ROBO2: variants seen among roughly 807,000 people sequenced by gnomAD.
ROBO2 encodes roundabout homolog 2.
Under a neutral mutation model 160.8 loss-of-function variants are expected in ROBO2, and 53 were observed. That is an observed-to-expected ratio of 0.33 (90% CI 0.26 to 0.41). ROBO2 has a LOEUF of 0.41. ROBO2 is among the 10% of genes least tolerant of loss of function. The probability of loss-of-function intolerance (pLI) is 1.00; values close to 1 mark genes in which losing one functional copy is unlikely to be tolerated. For missense variants in ROBO2, 1,577 were observed against 1,722.4 expected (o/e 0.92, Z 1.49); for synonymous variants, 664 against 611.7 (o/e 1.09, Z -1.26).
intron 2 of ROBO2, among the ~76,000 whole-genome samples, chr3:76,801,592 A>G (rs568830677): frequency 1.3e-5 from 2 of 152,146 alleles, no homozygotes; most frequent in East Asian, 3.9e-4. Flanking sequence ...TTTTTTTAAA[A>G]AAAGAAAAGA....
intron 8 of ROBO2, 78 bp downstream of exon 9, chr3:77,551,067 G>C: frequency 4.7e-6 from 7 of 1,483,554 alleles, no homozygotes; most frequent in Non-Finnish European, 6.6e-6. Flanking sequence ...TGTGGAGTTT[G>C]CTGATTTGTT....
intron 5 of ROBO2, among the ~76,000 whole-genome samples, chr3:77,508,226 A>C (rs772423774): frequency 1.3e-5 from 2 of 150,782 alleles, no homozygotes; most frequent in Non-Finnish European, 3.0e-5. Context: ...TCTTTCTCAA[A>C]ATGTTGCAAA....
intron 2 of ROBO2, among the ~76,000 whole-genome samples, chr3:76,587,827 T>C (rs910420441): frequency 3.9e-5 from 6 of 152,200 alleles, no homozygotes; most frequent in Admixed American, 3.3e-4. Flanking sequence ...TCTTTACTCA[T>C]TCTCCCTTTC....
intron 2 of ROBO2, among the ~76,000 whole-genome samples, chr3:76,135,263 T>A (rs963460297): frequency 3.3e-5 from 5 of 152,012 alleles, no homozygotes; most frequent in Non-Finnish European, 7.4e-5. Context: ...ATGTGAAATT[T>A]AGGGAATAAT....
chr3:76,730,939 TCC>T, intron 2 of ROBO2, among the ~76,000 whole-genome samples: 1 of 21,434 alleles, frequency 4.7e-5, no homozygotes, highest in Non-Finnish European at 8.1e-5. Flanking sequence ...TGTCCTCACC[TCC>T]TACTCCCTAC....
chr3:77,389,969 G>C (rs2074547270), intron 2 of ROBO2, among the ~76,000 whole-genome samples: 1 of 152,144 alleles, frequency 6.6e-6, no homozygotes, highest in African/African-American at 2.4e-5. Flanking sequence ...ACTAGAAAGG[G>C]ATACAAAGAA....
intron 2 of ROBO2, among the ~76,000 whole-genome samples, chr3:77,315,482 A>G (rs1226799863): frequency 6.6e-6 from 1 of 152,174 alleles, no homozygotes; most frequent in African/African-American, 2.4e-5. Context: ...CTTAACTTTG[A>G]GACACTTAAT....
chr3:77,112,193 CAAAAAAAAAAAA>C (rs373201643), intron 2 of ROBO2, among the ~76,000 whole-genome samples: 77 of 68,692 alleles, frequency 1.1e-3, no homozygotes, highest in African/African-American at 4.0e-3. Flanking sequence ...AGACTCGTCT[CAAAAAAAAAAAA>C]AAAAAAAAAA....
At chr3:76,209,176 C>T (rs1702989282) in intron 2 of ROBO2, among the ~76,000 whole-genome samples, 1 of 152,118 alleles carries the variant, frequency 6.6e-6, no homozygotes, top group Non-Finnish European at 1.5e-5. Flanking sequence ...GATGGAAGGG[C>T]AATTGATGCC....
At position 76,215,839 on chromosome 3, in the gene ROBO2, G is replaced by A. The variant is rs971714963; in HGVS notation, c.109+278237G>A. ...ACAAAGATAATCCTCGAGAAGAACA[G>A]CTCCAAGACACATAACTGGCAGATT... On this transcript the variant is annotated intron_variant, in intron 2 of 26. Coordinates refer to the ROBO2 transcript ENST00000487694. 2.0e-5 allele frequency among the ~76,000 whole-genome samples: 3 copies of A among 152,030 alleles called. No individual in the cohort carries two copies. The East Asian group carries it at 5.8e-4, about 29-fold the overall frequency.
Position 76,163,772 on chromosome 3 carries a change from TTAA to T in ROBO2, c.109+226172_109+226174del, listed in dbSNP as rs143956195. Among the ~76,000 whole-genome samples, 857 of 152,046 alleles carry T rather than the reference TTAA, an allele frequency of 5.6e-3. 10 individuals are homozygous for T. The highest frequency in any genetic ancestry group is 0.02 in the African/African-American group (816 of 41,514). On this transcript the variant is annotated intron_variant, in intron 2 of 26. Coordinates refer to the ROBO2 transcript ENST00000487694. ...ATTAGTTTTTTTTTTGAAAAAACTGTTAATGATTATCTGAGCCTTCAGTGAGTT... is the reference window on the plus strand; with the variant it reads ...ATTAGTTTTTTTTTTGAAAAAACTGTTGATTATCTGAGCCTTCAGTGAGTT...
intron 2 of ROBO2, among the ~76,000 whole-genome samples, chr3:76,097,281 C>T (rs1029616991): frequency 6.6e-6 from 1 of 152,096 alleles, no homozygotes; most frequent in African/African-American, 2.4e-5. Flanking sequence ...GTCAGGATGG[C>T]CCCAACCCGT....
chr3:76,473,674 T>C (rs1008922280), intron 2 of ROBO2, among the ~76,000 whole-genome samples: 1 of 152,190 alleles, frequency 6.6e-6, no homozygotes, highest in Non-Finnish European at 1.5e-5. Context: ...GTAATAGTTT[T>C]GTAAAAATAA....
chr3:76,058,597 T>C (rs1379231579), intron 2 of ROBO2, among the ~76,000 whole-genome samples: 2 of 146,660 alleles, frequency 1.4e-5, no homozygotes, highest in African/African-American at 2.5e-5. Flanking sequence ...AACTTTTTTT[T>C]TTTTTTTTTT....
At chr3:76,580,321 T>G in intron 2 of ROBO2, among the ~76,000 whole-genome samples, 1 of 117,200 alleles carries the variant, frequency 8.5e-6, no homozygotes, top group African/African-American at 2.9e-5. Context: ...ACCCCTGTTT[T>G]TTTTTTGTTT....
At chr3:77,316,559 G>A (rs1289949627) in intron 2 of ROBO2, among the ~76,000 whole-genome samples, 1 of 152,056 alleles carries the variant, frequency 6.6e-6, no homozygotes, top group African/African-American at 2.4e-5. Flanking sequence ...CTACTGAAAG[G>A]ATCTTTTTTG....
In ROBO2 at chr3:76,525,717, A is replaced by G. The variant is rs533391959; in HGVS notation, c.110-572297A>G. Among the ~76,000 whole-genome samples, 48 of 152,090 alleles carry G rather than the reference A, an allele frequency of 3.2e-4. No individual in the cohort carries two copies. In the South Asian group the frequency reaches 9.5e-3, roughly 30 times the overall value. ...TAGCCAGGGTTTTACTTAATTTTGC[A>G]GGAGTTCTTGTATACAGCCTTCATA... On this transcript the variant is annotated intron_variant, in intron 2 of 26. Transcript: ENST00000487694.
chr3:76,581,840 A>C (rs1195945736), intron 2 of ROBO2, among the ~76,000 whole-genome samples: 1 of 152,216 alleles, frequency 6.6e-6, no homozygotes, highest in African/African-American at 2.4e-5. Context: ...AAATTTACAA[A>C]GTTTCATGGT....
intron 2 of ROBO2, among the ~76,000 whole-genome samples, chr3:77,029,172 G>C (rs1174857424): frequency 2.0e-5 from 3 of 151,978 alleles, no homozygotes; most frequent in Non-Finnish European, 4.4e-5. Context: ...CATGTGGGCT[G>C]TGTGGTGTGT....
Sources: gnomAD v4.1 joint callset for allele counts (sites outside exome capture counted in the v4.1 genomes callset) on GRCh38, gnomAD v4.1.1 for gene constraint, MANE v1.5 for transcripts, NCBI Gene and HGNC (gene_info 2026-07-23, HGNC 2026-07-21) for gene names.